The following GRIA4 variants were observed in gnomAD, a reference collection of about 807,000 sequenced individuals.
GRIA4 encodes glutamate receptor 4.
A neutral mutation model predicts 104.0 loss-of-function variants in GRIA4; 34 were observed. The ratio of observed to expected loss-of-function variants is 0.33; its 90% confidence interval spans 0.25 to 0.44. The LOEUF is 0.44. GRIA4 is among the 20% of genes least tolerant of loss of function. GRIA4 has a pLI of 1.00. For synonymous variants in GRIA4, 386 were observed against 381.9 expected, an observed-to-expected ratio of 1.01 and a Z score of -0.13; for missense variants, 750 against 1,096.5, an observed-to-expected ratio of 0.68 and a Z score of 4.46.
intron 4 of GRIA4, among the ~76,000 whole-genome samples, chr11:105,788,734 G>A (rs1482327793): frequency 6.6e-6 from 1 of 152,050 alleles, no homozygotes; most frequent in African/African-American, 2.4e-5. Context: ...AGACACTGGG[G>A]ACTCCAAAAG....
At chr11:105,731,674 C>A (rs1938596797) in intron 3 of GRIA4, among the ~76,000 whole-genome samples, 1 of 152,120 alleles carries the variant, frequency 6.6e-6, no homozygotes, top group East Asian at 1.9e-4. Context: ...AACACATATA[C>A]ACCATGGAAT....
intron 5 of GRIA4, among the ~76,000 whole-genome samples, chr11:105,883,749 G>T (rs913010814): frequency 6.6e-5 from 10 of 152,112 alleles, no homozygotes; most frequent in African/African-American, 2.2e-4. Flanking sequence ...GTGTGCATGT[G>T]TCTTTATAGC....
intron 4 of GRIA4, among the ~76,000 whole-genome samples, chr11:105,763,067 A>C (rs35771876): frequency 1.3e-5 from 2 of 152,208 alleles, no homozygotes; most frequent in Non-Finnish European, 2.9e-5. Flanking sequence ...AGTAAGAGAT[A>C]CAAAATAAAA....
chr11:105,962,467 G>A (rs760684994), intron 14 of GRIA4, among the ~76,000 whole-genome samples: 65 of 152,242 alleles, frequency 4.3e-4, no homozygotes, highest in Non-Finnish European at 7.9e-4. Flanking sequence ...AGTCTTAAAT[G>A]CTAGGTTAGT....
At chr11:105,755,837 A>T (rs944753288) in intron 4 of GRIA4, among the ~76,000 whole-genome samples, 17 of 152,254 alleles carry the variant, frequency 1.1e-4, no homozygotes, top group African/African-American at 3.1e-4. Context: ...GCCCTTGGAC[A>T]TCGGTGGTCT....
intron 11 of GRIA4, among the ~76,000 whole-genome samples, chr11:105,921,049 T>C (rs1297896507): frequency 6.6e-6 from 1 of 152,194 alleles, no homozygotes; most frequent in African/African-American, 2.4e-5. Flanking sequence ...TGATTAACTC[T>C]GCAAAATTAT....
chr11:105,877,444 A>G (rs912754433), intron 5 of GRIA4, among the ~76,000 whole-genome samples: 2 of 152,120 alleles, frequency 1.3e-5, no homozygotes, highest in Admixed American at 6.5e-5. Flanking sequence ...CCTGAATTTG[A>G]ATATTGGCCT....
At chr11:105,953,374 T>A (rs1402210982) in intron 14 of GRIA4, among the ~76,000 whole-genome samples, 1 of 152,194 alleles carries the variant, frequency 6.6e-6, no homozygotes, top group Non-Finnish European at 1.5e-5. Flanking sequence ...GCTTACTTGC[T>A]CCATTCACCT....
chr11:105,839,419 T>A (rs1944309279), intron 4 of GRIA4, among the ~76,000 whole-genome samples: 2 of 149,754 alleles, frequency 1.3e-5, no homozygotes, highest in Admixed American at 1.4e-4. Context: ...CTCTCAATTC[T>A]CATTTCTATT....
intron 3 of GRIA4, among the ~76,000 whole-genome samples, chr11:105,726,699 C>A (rs1488759707): frequency 6.6e-6 from 1 of 152,140 alleles, no homozygotes; most frequent in Admixed American, 6.6e-5. Flanking sequence ...AGGCAGCAAT[C>A]TTTGCTGTTC....
At chr11:105,670,341 A>C (rs554658442) in intron 3 of GRIA4, among the ~76,000 whole-genome samples, 1 of 152,274 alleles carries the variant, frequency 6.6e-6, no homozygotes, top group South Asian at 2.1e-4. Context: ...AACACTTTAA[A>C]GTCCAAAAGG....
chr11:105,887,616 C>T (rs750147211), intron 6 of GRIA4, 44 bp downstream of exon 6: 1 of 859,112 alleles, frequency 1.2e-6, no homozygotes, highest in Non-Finnish European at 2.0e-6. Flanking sequence ...ATTGCTCAAG[C>T]ACACAAGATT....
chr11:105,730,361 G>T (rs1007055056), intron 3 of GRIA4, among the ~76,000 whole-genome samples: 1 of 152,114 alleles, frequency 6.6e-6, no homozygotes, highest in African/African-American at 2.4e-5. Flanking sequence ...ACAAACCACT[G>T]CTCAAGGAAA....
At chr11:105,856,156 C>A (rs1023568416) in intron 4 of GRIA4, among the ~76,000 whole-genome samples, 4 of 152,152 alleles carry the variant, frequency 2.6e-5, no homozygotes, top group Non-Finnish European at 4.4e-5. Flanking sequence ...TGGATTACTA[C>A]CATGTGGGTT....
At chr11:105,610,870 C>CTTTTTTTTTTTTTTTTTTTTTTTTTTTTT (rs55973528) in intron 1 of GRIA4, 38 bp from the exon 2 acceptor site, 3 of 357,398 alleles carry the variant, frequency 8.4e-6, no homozygotes, top group South Asian at 5.8e-5. Context: ...TCTTTCTTTT[C>CTTTTTTTTTTTTTTTTTTTTTTTTTTTTT]TTTTTTTTTT....
intron 3 of GRIA4, among the ~76,000 whole-genome samples, chr11:105,741,902 G>A (rs1196686271): frequency 1.3e-5 from 2 of 152,084 alleles, no homozygotes; most frequent in Non-Finnish European, 1.5e-5. Context: ...GTACAAACTT[G>A]CAGTTATGTA....
At chr11:105,819,584 T>C (rs1292397866) in intron 4 of GRIA4, among the ~76,000 whole-genome samples, 3 of 152,070 alleles carry the variant, frequency 2.0e-5, no homozygotes, top group African/African-American at 7.2e-5. Context: ...AATATAACAT[T>C]TGTGGGAGTT....
intron 3 of GRIA4, among the ~76,000 whole-genome samples, chr11:105,740,371 T>C (rs750336936): frequency 2.6e-5 from 4 of 152,188 alleles, no homozygotes; most frequent in Non-Finnish European, 5.9e-5. Context: ...AGTAAGACTT[T>C]TGTGGCTTTC....
intron 4 of GRIA4, among the ~76,000 whole-genome samples, chr11:105,844,570 G>C (rs886546356): frequency 6.6e-6 from 1 of 152,114 alleles, no homozygotes; most frequent in Admixed American, 6.6e-5. Flanking sequence ...CTTTTAATAA[G>C]GTAAATATCC....
Sources: allele counts gnomAD v4.1 joint callset (sites outside exome capture counted in the v4.1 genomes callset), GRCh38; gene constraint gnomAD v4.1.1; transcripts MANE v1.5; gene names NCBI Gene and HGNC (gene_info 2026-07-23, HGNC 2026-07-21).